CYP7A1: variants seen among roughly 807,000 people sequenced by gnomAD.
CYP7A1 encodes cytochrome P450 family 7 subfamily A member 1.
CYP7A1 carries 28 observed loss-of-function variants against 43.8 expected under a neutral mutation model. The ratio of observed to expected loss-of-function variants is 0.64; its 90% confidence interval spans 0.47 to 0.88. CYP7A1 has a LOEUF of 0.88. Ranked by LOEUF, CYP7A1 falls within the 40% of genes least tolerant of loss-of-function variation. The pLI is 0.00. For missense variants in CYP7A1, 637 were observed against 611.9 expected (o/e 1.04, Z -0.43); for synonymous variants, 227 against 222.5 (o/e 1.02, Z -0.18).
Position 58,498,296 on chromosome 8 carries a change from T to A in CYP7A1, c.254A>T (p.Tyr85Phe), listed in dbSNP as rs545869846. ...YVHFITNPLS[Y>F]HKVLCHGKYF... is the part of the protein sequence containing the mutation. ...TTTTCCGTGGCACAACACCTTATGG[T>A]ATGACAAGGGATTTGTGATGAAATG... is the stretch of plus-strand genomic sequence containing the variant. The change falls in exon 2 of 6, where the codon TAC becomes TTC. Residue 85 changes from tyrosine (Y) to phenylalanine (F), a missense_variant. By Grantham distance (22) the Tyr-to-Phe change is conservative. Transcript: ENST00000301645. The A allele has an allele frequency of 6.2e-7, 1 of 1,614,038 alleles. No homozygotes were observed. Among genetic ancestry groups the A allele is most frequent in the East Asian group, 2.2e-5 (1 of 44,886 alleles).
At chr8:58,494,772 T>C (rs1585642380) in intron 3 of CYP7A1, 136 bp from the exon 4 acceptor site, 1 of 792,156 alleles carries the variant, frequency 1.3e-6, no homozygotes, top group Non-Finnish European at 2.1e-6. Context: ...GAAAGGGATA[T>C]TCCTGTTTGC....
At chr8:58,497,222 G>A in intron 2 of CYP7A1, 32 bp from the exon 3 acceptor site, 2 of 1,546,676 alleles carry the variant, frequency 1.3e-6, no homozygotes, top group Non-Finnish European at 1.8e-6. Context: ...AGAAAAAGAA[G>A]TTAAACCTGA....
At chr8:58,498,530 C>A in intron 1 of CYP7A1, 61 bp from the exon 2 acceptor site, 3 of 1,602,028 alleles carry the variant, frequency 1.9e-6, no homozygotes, top group South Asian at 1.1e-5. Context: ...TTACTTACAT[C>A]AGGTTTTAAA....
chr8:58,498,698 G>A (rs116417268), intron 1 of CYP7A1, among the ~76,000 whole-genome samples: 8 of 152,178 alleles, frequency 5.3e-5, no homozygotes, highest in Admixed American at 2.6e-4. Flanking sequence ...TCATGCATCC[G>A]TCCATATACA....
chr8:58,492,645 T>C, intron 4 of CYP7A1, 117 bp from the exon 5 acceptor site: 1 of 804,038 alleles, frequency 1.2e-6, no homozygotes, highest in Non-Finnish European at 2.1e-6. Context: ...ACAGACAGCC[T>C]GGCAGTGCAT....
rs1207512131 is a variant in CYP7A1, at chr8:58,498,136, C to G, written c.321+93G>C. 35 of 1,431,536 alleles carry G rather than the reference C, an allele frequency of 2.4e-5. 1 individual carries two copies. Among genetic ancestry groups the G allele is most frequent in the Non-Finnish European group, 3.0e-5 (31 of 1,032,404 alleles). 88.7% of individuals were successfully genotyped at this position (1,431,536 alleles called of 1,614,324 possible). A position where few individuals can be genotyped will look rare whatever the true frequency, so the allele number is the denominator to read the frequency against. On this transcript the variant is annotated intron_variant, in intron 2 of 5. Coordinates refer to ENST00000301645, the MANE Select transcript of CYP7A1 (RefSeq NM_000780.4). ...GGATAACTCTCTTCAACACCTTTAT[C>G]ATAAAATCTAAGTACATCAAAATTT...
At position 58,496,738 on chromosome 8, in the gene CYP7A1, G is replaced by T. The variant is rs1450713836; in HGVS notation, c.774C>A (p.Ser258Arg). 5.0e-6 allele frequency: 8 copies of T among 1,614,054 alleles called. No individual in the cohort carries two copies. The highest frequency in any genetic ancestry group is 5.9e-6 in the Non-Finnish European group (7 of 1,180,024). ...AAGTGTCATTGAGAAACATGCGCAG[G>T]CTGATCAGTTCTGAGATGCTTTCCC... is the stretch of plus-strand genomic sequence containing the variant. ...QKRESISELISLRMFLNDTLS... is the reference protein window; with the variant it reads ...QKRESISELIRLRMFLNDTLS... Residue 258 changes from serine to arginine, a missense_variant, in exon 3 of 6, where the codon AGC becomes AGA. Ser to Arg is a moderately radical substitution (Grantham distance 110). Transcript: ENST00000301645.
At chr8:58,498,934 G>T (rs1809490123) in intron 1 of CYP7A1, among the ~76,000 whole-genome samples, 1 of 152,074 alleles carries the variant, frequency 6.6e-6, no homozygotes, top group African/African-American at 2.4e-5. Context: ...TCAGAACTGA[G>T]GTTTTGAAAA....
intron 1 of CYP7A1, among the ~76,000 whole-genome samples, chr8:58,499,228 A>G (rs965363589): frequency 3.9e-5 from 6 of 152,354 alleles, no homozygotes; most frequent in Admixed American, 2.6e-4. Flanking sequence ...AGTAAAAACT[A>G]TCAGGCCTGA....
At chr8:58,498,083 A>T (rs921268458) in intron 2 of CYP7A1, 146 bp downstream of exon 2, 3 of 881,776 alleles carry the variant, frequency 3.4e-6, no homozygotes, top group Non-Finnish European at 5.1e-6. Context: ...CGTATAATTT[A>T]TTTATGTTTC....
chr8:58,496,870 T>G lies in CYP7A1; in HGVS notation c.642A>C (p.Lys214Asn). 6 of 1,614,212 alleles carry G rather than the reference T, an allele frequency of 3.7e-6. No homozygotes were observed. Among genetic ancestry groups the G allele is most frequent in the South Asian group, 3.3e-5 (3 of 91,080 alleles). The change falls in exon 3 of 6, where the codon AAA becomes AAC. Residue 214 changes from lysine to asparagine, a missense_variant. Lys to Asn is a moderately conservative substitution (Grantham distance 94). Transcript: ENST00000301645. ...NNLDNFKQFDKVFPALVAGLP... is the reference protein window; with the variant it reads ...NNLDNFKQFDNVFPALVAGLP... ...GGCCTGCTACCAGGGCTGGAAAGAC[T>G]TTGTCGAATTGCTTGAAGTTGTCAA...
At chr8:58,497,322 AGT>A (rs1743551679) in intron 2 of CYP7A1, 132 bp from the exon 3 acceptor site, 10 of 774,094 alleles carry the variant, frequency 1.3e-5, no homozygotes. Flanking sequence ...CCCTTGTACA[AGT>A]TCATAGCACT....
chr8:58,498,224 C>T lies in CYP7A1; in HGVS notation c.321+5G>A, dbSNP rs760278695. 2 of 1,613,912 alleles carry T rather than the reference C, an allele frequency of 1.2e-6. No homozygotes were observed. The highest frequency in any genetic ancestry group is 1.7e-6 in the Non-Finnish European group (2 of 1,179,932). On this transcript the variant is annotated splice_donor_5th_base_variant and intron_variant, in intron 2 of 5. Coordinates refer to ENST00000301645, the MANE Select transcript of CYP7A1 (RefSeq NM_000780.4). ...AGAATGGTATATAAATGTAAAACTG[C>T]TTACCTTCGCAGAAGTAGCAAAGTG...
In CYP7A1 at chr8:58,492,400, A is replaced by G. The variant is rs754847133; in HGVS notation, c.1168T>C (p.Tyr390His). The G allele has an allele frequency of 1.9e-6, 3 of 1,614,104 alleles. No homozygotes were observed. ...NIRKDDIIAL[Y>H]PQLMHLDPEI... ...GGATCTAAGTGCATTAACTGTGGGT[A>G]AAGAGCTATGATGTCATCTTTTCGG... Residue 390 changes from tyrosine to histidine, a missense_variant, in exon 5 of 6, where the codon TAC becomes CAC. Physicochemically the swap from Tyr to His is moderately conservative, Grantham distance 83. Transcript: ENST00000301645.
Position 58,497,051 on chromosome 8 carries a change from C to T in CYP7A1, c.461G>A (p.Arg154Lys), listed in dbSNP as rs1361955643. 1 of 1,606,544 alleles carries T rather than the reference C, an allele frequency of 6.2e-7. No homozygotes were observed. The highest frequency in any genetic ancestry group is 2.2e-5 in the East Asian group (1 of 44,894). ...CTTTGAGTTAGAGGAGACTGGAGGT[C>T]TCATGATACGTTGGAGGTTTTCCAT... ...SMMENLQRIM[R>K]PPVSSNSKTA... Residue 154 changes from arginine to lysine, a missense_variant, in exon 3 of 6, where the codon AGA becomes AAA. Coordinates refer to ENST00000301645, the MANE Select transcript of CYP7A1 (RefSeq NM_000780.4).
chr8:58,495,444 G>GA (rs929281235), intron 3 of CYP7A1, among the ~76,000 whole-genome samples: 6 of 152,056 alleles, frequency 3.9e-5, no homozygotes, highest in Non-Finnish European at 8.8e-5. Context: ...TAGCCAGGAT[G>GA]GTCTCGATCT....
chr8:58,496,659 C>T lies in CYP7A1; in HGVS notation c.853G>A (p.Ala285Thr), dbSNP rs1182997313. ...KAKTHLVVLW[A>T]SQANTIPATF... The stretch of plus-strand genomic sequence containing the variant: ...GCTGGAATGGTGTTTGCTTGCGATG[C>T]CCAGAGGACCACGAGGTGTGTCTTG... Residue 285 changes from alanine to threonine, a missense_variant, in exon 3 of 6, where the codon GCA (alanine) becomes ACA (threonine). By Grantham distance (58) the Ala-to-Thr change is moderately conservative. Coordinates refer to ENST00000301645, the MANE Select transcript of CYP7A1 (RefSeq NM_000780.4). The T allele has an allele frequency of 2.9e-5, 47 of 1,614,058 alleles. No individual in the cohort carries two copies. Among genetic ancestry groups the T allele is most frequent in the Non-Finnish European group, 3.8e-5 (45 of 1,180,030 alleles).
At chr8:58,495,434 T>C (rs529502652) in intron 3 of CYP7A1, among the ~76,000 whole-genome samples, 13 of 152,134 alleles carry the variant, frequency 8.5e-5, no homozygotes, top group South Asian at 4.1e-4. Flanking sequence ...TTCACCGTGT[T>C]AGCCAGGATG....
intron 1 of CYP7A1, among the ~76,000 whole-genome samples, chr8:58,499,714 A>G (rs1809501407): frequency 6.6e-6 from 1 of 152,186 alleles, no homozygotes; most frequent in Non-Finnish European, 1.5e-5. Flanking sequence ...CTTCCTCTTT[A>G]GATACACATA....
Sources: allele counts gnomAD v4.1 joint callset (sites outside exome capture counted in the v4.1 genomes callset), GRCh38; gene constraint gnomAD v4.1.1; transcripts MANE v1.5; gene names NCBI Gene and HGNC (gene_info 2026-07-23, HGNC 2026-07-21).